SLC41A2: variants seen among roughly 807,000 people sequenced by gnomAD.
The protein encoded by SLC41A2 is SLC41A1-like 1.
SLC41A2 carries 32 observed loss-of-function variants against 58.3 expected under a neutral mutation model. The ratio of observed to expected loss-of-function variants is 0.55; its 90% CI spans 0.41 to 0.74. The LOEUF (loss-of-function observed/expected upper bound fraction) is 0.74, where lower values mean the gene tolerates loss of function less well. Ranked by LOEUF, SLC41A2 falls within the 30% of genes least tolerant of loss-of-function variation. The pLI, the probability that SLC41A2 is intolerant of heterozygous loss-of-function variation, is 0.00. For synonymous variants in SLC41A2, 190 were observed against 235.0 expected, an observed-to-expected ratio of 0.81 and a Z score of 1.75; for missense variants, 514 against 680.6, an observed-to-expected ratio of 0.76 and a Z score of 2.72.
rs943337833 is a variant in SLC41A2, at chr12:104,878,326, T to C, written c.1027+7967A>G. 7.5e-4 allele frequency among the ~76,000 whole-genome samples: 111 copies of C among 148,126 alleles called. 1 individual carries two copies. Among genetic ancestry groups the C allele is most frequent in the Non-Finnish European group, 1.0e-3 (70 of 67,030 alleles). On this transcript the variant is annotated intron_variant, in intron 6 of 10. Coordinates refer to ENST00000258538, the MANE Select transcript of SLC41A2 (RefSeq NM_001352171.3). ...ATATATATATATATATATATATATATACATTTTTTAAGTTCTAGGGTACTT... is the reference window on the plus strand; with the variant it reads ...ATATATATATATATATATATATATACACATTTTTTAAGTTCTAGGGTACTT...
chr12:104,874,198 C>T (rs1205662562), intron 6 of SLC41A2, among the ~76,000 whole-genome samples: 3 of 151,704 alleles, frequency 2.0e-5, no homozygotes, highest in South Asian at 2.1e-4. Flanking sequence ...CTCAGCCTCC[C>T]GAGTAGCTGG....
intron 2 of SLC41A2, among the ~76,000 whole-genome samples, chr12:104,925,820 G>A (rs2046815040): frequency 6.6e-6 from 1 of 152,126 alleles, no homozygotes; most frequent in Non-Finnish European, 1.5e-5. Flanking sequence ...GTTAAATACT[G>A]AGTGTTTCTT....
At chr12:104,956,324 G>A (rs1449635962) in intron 1 of SLC41A2, among the ~76,000 whole-genome samples, 1 of 152,168 alleles carries the variant, frequency 6.6e-6, no homozygotes, top group Admixed American at 6.5e-5. Context: ...GTCAGTGCCA[G>A]TATCCAAACC....
chr12:104,901,172 T>C (rs2045541868), intron 3 of SLC41A2, among the ~76,000 whole-genome samples: 1 of 152,142 alleles, frequency 6.6e-6, no homozygotes, highest in Non-Finnish European at 1.5e-5. Flanking sequence ...GGTGATTTGC[T>C]CCTGGGAAAT....
At chr12:104,858,035 CCAA>C (rs993068969) in intron 8 of SLC41A2, among the ~76,000 whole-genome samples, 1 of 152,112 alleles carries the variant, frequency 6.6e-6, no homozygotes, top group South Asian at 2.1e-4. Flanking sequence ...AGAATTAACA[CCAA>C]CAACAATAAA....
chr12:104,808,109 T>C (rs2136190426), intron 10 of SLC41A2, among the ~76,000 whole-genome samples: 1 of 152,316 alleles, frequency 6.6e-6, no homozygotes, highest in Admixed American at 6.5e-5. Context: ...CTATGTTGAA[T>C]AGGAGTGGTG....
At chr12:104,847,418 A>G (rs1265422975) in intron 8 of SLC41A2, among the ~76,000 whole-genome samples, 1 of 152,006 alleles carries the variant, frequency 6.6e-6, no homozygotes, top group African/African-American at 2.4e-5. Flanking sequence ...GCTGGCCAAC[A>G]TGCTGAAACC....
intron 8 of SLC41A2, among the ~76,000 whole-genome samples, chr12:104,846,213 G>C (rs1003870540): frequency 6.6e-6 from 1 of 152,050 alleles, no homozygotes; most frequent in Non-Finnish European, 1.5e-5. Flanking sequence ...GACCAGAGCA[G>C]GTAATTTTTA....
chr12:104,905,780 G>GA (rs1397467006), intron 3 of SLC41A2, among the ~76,000 whole-genome samples: 1 of 152,256 alleles, frequency 6.6e-6, no homozygotes, highest in East Asian at 1.9e-4. Context: ...ATTGCCCGGG[G>GA]ACAGCAGGGC....
At chr12:104,811,610 A>C (rs10507182) in intron 10 of SLC41A2, among the ~76,000 whole-genome samples, 28,936 of 152,148 alleles carry the variant, frequency 0.19, 2,943 homozygotes, top group African/African-American at 0.25. Context: ...TTATTTTGAA[A>C]TATTTGCTTC....
intron 3 of SLC41A2, among the ~76,000 whole-genome samples, chr12:104,902,074 C>T (rs909383082): frequency 2.4e-4 from 36 of 151,844 alleles, no homozygotes; most frequent in Admixed American, 3.9e-4. Flanking sequence ...CCTAATTTTA[C>T]AAGTGAAAAC....
At chr12:104,885,240 C>G (rs1478204890) in intron 6 of SLC41A2, among the ~76,000 whole-genome samples, 1 of 152,144 alleles carries the variant, frequency 6.6e-6, no homozygotes, top group Non-Finnish European at 1.5e-5. Flanking sequence ...GAGAAATATT[C>G]CTTGAACATA....
chr12:104,954,092 T>C (rs2048058265), intron 1 of SLC41A2, among the ~76,000 whole-genome samples: 2 of 152,190 alleles, frequency 1.3e-5, no homozygotes, highest in South Asian at 4.1e-4. Context: ...TATCTAAAGC[T>C]TTCCATTTTT....
At chr12:104,853,752 T>TATGC (rs2042893059) in intron 8 of SLC41A2, among the ~76,000 whole-genome samples, 1 of 148,230 alleles carries the variant, frequency 6.7e-6, no homozygotes, top group South Asian at 2.1e-4. Flanking sequence ...TGTATGTATG[T>TATGC]ATGTATTTAG....
chr12:104,819,223 C>CA (rs1465541851), intron 10 of SLC41A2, among the ~76,000 whole-genome samples: 3 of 151,900 alleles, frequency 2.0e-5, no homozygotes, highest in African/African-American at 4.8e-5. Context: ...TAACAGATAG[C>CA]AAAAAAACCC....
chr12:104,912,271 ACAGCTGG>A (rs1318788898), intron 2 of SLC41A2, among the ~76,000 whole-genome samples: 2 of 152,180 alleles, frequency 1.3e-5, no homozygotes, highest in African/African-American at 4.8e-5. Context: ...CTGATTGATG[ACAGCTGG>A]CAGCCCCAGG....
chr12:104,852,202 A>T (rs1409157391), intron 8 of SLC41A2, among the ~76,000 whole-genome samples: 2 of 152,232 alleles, frequency 1.3e-5, no homozygotes, highest in African/African-American at 4.8e-5. Flanking sequence ...CAAAAATTAT[A>T]CTTAATGCAA....
At chr12:104,903,320 T>C (rs546156318) in intron 3 of SLC41A2, among the ~76,000 whole-genome samples, 1 of 152,332 alleles carries the variant, frequency 6.6e-6, no homozygotes, top group Admixed American at 6.5e-5. Context: ...CTTCCATTGG[T>C]TTCTTATCTC....
At chr12:104,931,790 A>G (rs886764764) in intron 1 of SLC41A2, 3 of 152,248 alleles carry the variant, frequency 2.0e-5, no homozygotes, top group Admixed American at 2.0e-4. Flanking sequence ...TGAGAAGAGG[A>G]TCTACAGAAA....
Sources: gnomAD v4.1 joint callset for allele counts (sites outside exome capture counted in the v4.1 genomes callset) on GRCh38, gnomAD v4.1.1 for gene constraint, MANE v1.5 for transcripts, NCBI Gene and HGNC (gene_info 2026-07-23, HGNC 2026-07-21) for gene names.